Variants in EBF1 observed in about 807,000 individuals in gnomAD.
EBF1 encodes transcription factor COE1.
In EBF1, 10 loss-of-function variants were observed where a neutral mutation model predicts 68.4. The observed-to-expected ratio is 0.15, with a 90% CI of 0.09 to 0.25. The LOEUF (loss-of-function observed/expected upper bound fraction) is 0.25, where lower values mean the gene tolerates loss of function less well. Among genes scored for constraint, EBF1 ranks in the 10% least tolerant of loss-of-function variants. The pLI, the probability that EBF1 is intolerant of heterozygous loss-of-function variation, is 1.00. For missense variants in EBF1, 509 were observed against 794.4 expected (o/e 0.64, Z 4.32); for synonymous variants, 298 against 299.8 (o/e 0.99, Z 0.06).
At chr5:158,863,839 G>A (rs991145269) in intron 6 of EBF1, among the ~76,000 whole-genome samples, 3 of 152,090 alleles carry the variant, frequency 2.0e-5, no homozygotes, top group Middle Eastern at 3.4e-3. Flanking sequence ...CATATTTTAC[G>A]TAAATGATGC....
chr5:158,951,520 TAATGCACAGATTC>T (rs1423376729), intron 6 of EBF1, among the ~76,000 whole-genome samples: 1 of 152,216 alleles, frequency 6.6e-6, no homozygotes, highest in Non-Finnish European at 1.5e-5. Flanking sequence ...CAATCTCTGA[TAATGCACAGATTC>T]AATGGGGTCT....
chr5:158,981,263 A>C (rs1430162316), intron 6 of EBF1, among the ~76,000 whole-genome samples: 1 of 152,226 alleles, frequency 6.6e-6, no homozygotes, highest in Non-Finnish European at 1.5e-5. Flanking sequence ...AAAACCTAAT[A>C]AAGTCAAAAG....
chr5:158,782,115 A>G (rs1480354168), intron 9 of EBF1, among the ~76,000 whole-genome samples: 2 of 152,136 alleles, frequency 1.3e-5, no homozygotes, highest in Non-Finnish European at 2.9e-5. Context: ...TTTCCTAAAC[A>G]TTCTTCTACT....
At chr5:158,752,716 G>A (rs2127594614) in intron 10 of EBF1, among the ~76,000 whole-genome samples, 1 of 152,178 alleles carries the variant, frequency 6.6e-6, no homozygotes, top group East Asian at 1.9e-4. Context: ...GTAACTTTCA[G>A]CATTTTGTGG....
chr5:158,699,352 T>C, intron 15 of EBF1, among the ~76,000 whole-genome samples: 1 of 152,230 alleles, frequency 6.6e-6, no homozygotes, highest in South Asian at 2.1e-4. Context: ...AGCATGGGTA[T>C]GTGTCTTTAA....
At chr5:158,881,984 C>T (rs1245116148) in intron 6 of EBF1, among the ~76,000 whole-genome samples, 2 of 152,120 alleles carry the variant, frequency 1.3e-5, no homozygotes, top group African/African-American at 2.4e-5. Context: ...ATACATGTGA[C>T]GAAACTGCTT....
intron 10 of EBF1, among the ~76,000 whole-genome samples, chr5:158,734,506 T>TA (rs1764762476): frequency 6.6e-6 from 1 of 151,856 alleles, no homozygotes; most frequent in African/African-American, 2.4e-5. Flanking sequence ...ACAGAGAGGG[T>TA]AACAGGGAGG....
chr5:158,709,043 T>C (rs1758549386), intron 14 of EBF1, among the ~76,000 whole-genome samples: 1 of 152,204 alleles, frequency 6.6e-6, no homozygotes, highest in Non-Finnish European at 1.5e-5. Context: ...CATGATCCTC[T>C]TGGCCTGGCC....
At chr5:159,080,273 T>A (rs1340441824) in intron 5 of EBF1, among the ~76,000 whole-genome samples, 1 of 152,150 alleles carries the variant, frequency 6.6e-6, no homozygotes, top group Admixed American at 6.6e-5. Context: ...ACTACAAGTA[T>A]TTCCTCCCTT....
At chr5:158,811,049 G>C (rs1782553955) in intron 8 of EBF1, among the ~76,000 whole-genome samples, 1 of 152,096 alleles carries the variant, frequency 6.6e-6, no homozygotes, top group Non-Finnish European at 1.5e-5. Flanking sequence ...CATGCTGATG[G>C]CATCATATTC....
intron 6 of EBF1, among the ~76,000 whole-genome samples, chr5:158,968,022 T>G (rs1754524153): frequency 6.6e-6 from 1 of 152,182 alleles, no homozygotes; most frequent in Admixed American, 6.5e-5. Context: ...TTGTCTCCAG[T>G]AGGTTTAACT....
intron 6 of EBF1, among the ~76,000 whole-genome samples, chr5:158,972,131 T>C (rs1167312318): frequency 6.6e-6 from 1 of 152,230 alleles, no homozygotes; most frequent in Non-Finnish European, 1.5e-5. Context: ...CATGAAGGGC[T>C]GATGACCTTT....
At chr5:158,748,048 A>G (rs1255977667) in intron 10 of EBF1, among the ~76,000 whole-genome samples, 1 of 152,196 alleles carries the variant, frequency 6.6e-6, no homozygotes, top group Non-Finnish European at 1.5e-5. Flanking sequence ...TCAGGACAAC[A>G]CAGGAGAAAA....
chr5:159,075,274 C>T (rs762394467), intron 5 of EBF1, among the ~76,000 whole-genome samples: 6 of 152,144 alleles, frequency 3.9e-5, no homozygotes, highest in Non-Finnish European at 8.8e-5. Flanking sequence ...TCATTATCAC[C>T]CCCTGCACCT....
intron 10 of EBF1, among the ~76,000 whole-genome samples, chr5:158,766,443 G>A (rs571649469): frequency 3.0e-4 from 45 of 152,230 alleles, no homozygotes; most frequent in African/African-American, 1.1e-3. Context: ...TGTAAATGTT[G>A]TAAATTATGT....
At chr5:159,056,637 C>T (rs375956863) in intron 6 of EBF1, among the ~76,000 whole-genome samples, 11 of 152,252 alleles carry the variant, frequency 7.2e-5, no homozygotes, top group African/African-American at 2.4e-4. Flanking sequence ...ATACAGTGTA[C>T]TTTTTTCCCC....
intron 6 of EBF1, among the ~76,000 whole-genome samples, chr5:158,864,505 C>T (rs1309657714): frequency 2.0e-5 from 3 of 152,050 alleles, no homozygotes; most frequent in Non-Finnish European, 4.4e-5. Flanking sequence ...CAAATGGTTG[C>T]CCCAGTAGTT....
intron 15 of EBF1, among the ~76,000 whole-genome samples, chr5:158,702,123 A>T (rs1174948818): frequency 1.3e-5 from 2 of 152,194 alleles, no homozygotes; most frequent in East Asian, 3.8e-4. Flanking sequence ...TGAGTAAATT[A>T]TGGGAAAAGA....
intron 6 of EBF1, among the ~76,000 whole-genome samples, chr5:158,840,390 C>T (rs1789953081): frequency 6.6e-6 from 1 of 152,150 alleles, no homozygotes; most frequent in Non-Finnish European, 1.5e-5. Flanking sequence ...GGAAAGCTTT[C>T]ATCATAATTT....
Sources: gnomAD v4.1 joint callset for allele counts (sites outside exome capture counted in the v4.1 genomes callset) on GRCh38, gnomAD v4.1.1 for gene constraint, MANE v1.5 for transcripts, NCBI Gene and HGNC (gene_info 2026-07-23, HGNC 2026-07-21) for gene names.